Variants in RFFL observed in about 807,000 individuals in gnomAD.
RFFL encodes the protein ring finger and FYVE like domain containing E3 ubiquitin protein ligase.
RFFL carries 16 observed loss-of-function variants against 40.4 expected under a neutral mutation model. The ratio of observed to expected loss-of-function variants is 0.40; its 90% CI spans 0.27 to 0.60. The LOEUF is 0.60. Among genes scored for constraint, RFFL ranks in the 20% least tolerant of loss-of-function variants. RFFL has a pLI of 0.47. For missense variants in RFFL, 367 were observed against 451.7 expected, an observed-to-expected ratio of 0.81 and a Z score of 1.70; for synonymous variants, 154 against 167.9, an observed-to-expected ratio of 0.92 and a Z score of 0.64.
chr17:35,074,391 T>C (rs1422518456), intron 1 of RFFL: 3 of 152,248 alleles, frequency 2.0e-5, no homozygotes, highest in Non-Finnish European at 4.4e-5. Context: ...TAGCAGGCAC[T>C]GCTTGCTGAG....
At chr17:35,061,967 AC>A (rs2091293842) in intron 1 of RFFL, among the ~76,000 whole-genome samples, 1 of 150,364 alleles carries the variant, frequency 6.7e-6, no homozygotes, top group South Asian at 2.2e-4. Context: ...GGCGTGAGCC[AC>A]CGTGCCCAGC....
intron 1 of RFFL, among the ~76,000 whole-genome samples, chr17:35,081,709 A>C (rs1235743051): frequency 6.6e-6 from 1 of 152,196 alleles, no homozygotes; most frequent in Non-Finnish European, 1.5e-5. Flanking sequence ...TTCAAATGAC[A>C]GTAAAATCAC....
intron 1 of RFFL, among the ~76,000 whole-genome samples, chr17:35,084,096 G>A (rs184387698): frequency 4.6e-5 from 7 of 152,094 alleles, no homozygotes; most frequent in African/African-American, 1.7e-4. Flanking sequence ...AAAATTAGCC[G>A]GGCGCAGTGG....
chr17:35,072,566 T>TACACAC (rs138372161), intron 1 of RFFL, among the ~76,000 whole-genome samples: 81 of 147,362 alleles, frequency 5.5e-4, no homozygotes, highest in East Asian at 1.6e-3. Context: ...AGCAGAAAAC[T>TACACAC]ACACACACAC....
intron 1 of RFFL, among the ~76,000 whole-genome samples, chr17:35,029,590 A>G (rs866366301): frequency 6.2e-4 from 91 of 146,128 alleles, no homozygotes; most frequent in Middle Eastern, 7.1e-3. Flanking sequence ...GCATGATCTC[A>G]GCTCACTGCA....
Position 35,017,537 on chromosome 17 carries a change from C to A in RFFL, c.661G>T (p.Glu221Ter). The stretch of plus-strand genomic sequence containing the variant: ...AGAGGCCCCACCTGGGTCTCATCCT[C>A]AGCAGGTACTCTGGCCACGCTCTCC... The part of the protein sequence containing the change: ...YLESVARVPA[E>*]DETQSIDSED... Residue 221 changes from glutamate (E) to a stop codon, truncating the protein, a stop_gained, in exon 4 of 7, where the codon GAG (glutamate) becomes TAG (stop). Coordinates refer to ENST00000394597, the MANE Select transcript of RFFL (RefSeq NM_001017368.2). LOFTEE classifies it high-confidence loss of function. 1 of 1,610,120 alleles carries A rather than the reference C, an allele frequency of 6.2e-7. No homozygotes were observed. The highest frequency in any genetic ancestry group is 1.1e-5 in the South Asian group (1 of 90,188).
At chr17:35,027,365 T>C (rs539168220) in intron 1 of RFFL, among the ~76,000 whole-genome samples, 6 of 152,316 alleles carry the variant, frequency 3.9e-5, no homozygotes, top group East Asian at 3.9e-4. Context: ...CCTAGCACTG[T>C]TGTCCATGTA....
chr17:35,043,917 A>G (rs1020263108), intron 1 of RFFL, among the ~76,000 whole-genome samples: 2 of 152,208 alleles, frequency 1.3e-5, no homozygotes, highest in East Asian at 1.9e-4. Flanking sequence ...TATACATCCC[A>G]TAAGTCATCT....
chr17:35,021,824 GAAC>G, intron 2 of RFFL, 43 bp from the exon 3 acceptor site: 1 of 1,601,182 alleles, frequency 6.2e-7, no homozygotes, highest in Non-Finnish European at 8.6e-7. Context: ...CAGATTGAGA[GAAC>G]AAGACAGAGA....
At chr17:35,050,661 C>CAA (rs1433147326) in intron 1 of RFFL, among the ~76,000 whole-genome samples, 8 of 73,840 alleles carry the variant, frequency 1.1e-4, no homozygotes, top group East Asian at 3.3e-4. Context: ...CCAGGCTCTA[C>CAA]AAAAAAAAAA....
At chr17:35,038,806 A>G (rs1339733689) in intron 1 of RFFL, among the ~76,000 whole-genome samples, 1 of 152,240 alleles carries the variant, frequency 6.6e-6, no homozygotes, top group Non-Finnish European at 1.5e-5. Context: ...CTTACTCTGA[A>G]TGCTGATTAT....
chr17:35,078,963 G>C (rs980984104), intron 1 of RFFL, among the ~76,000 whole-genome samples: 3 of 149,324 alleles, frequency 2.0e-5, no homozygotes, highest in African/African-American at 4.9e-5. Flanking sequence ...CTGGGTGACA[G>C]AGTGAGACAC....
intron 1 of RFFL, chr17:35,069,481 A>G (rs932028372): frequency 1.1e-5 from 4 of 369,482 alleles, no homozygotes; most frequent in African/African-American, 8.5e-5. Context: ...AATCAAAGTA[A>G]TGGAAGAGGG....
chr17:35,072,930 C>A (rs2091358324), intron 1 of RFFL, among the ~76,000 whole-genome samples: 1 of 151,706 alleles, frequency 6.6e-6, no homozygotes, highest in African/African-American at 2.4e-5. Flanking sequence ...GTAATCTCAG[C>A]TACTCAAGAG....
chr17:35,039,927 G>A (rs1235452199), intron 1 of RFFL, among the ~76,000 whole-genome samples: 4 of 151,744 alleles, frequency 2.6e-5, no homozygotes, highest in South Asian at 4.2e-4. Context: ...TGCCCACCTC[G>A]GCCTCCCAAA....
chr17:35,038,203 C>T (rs2091136996), intron 1 of RFFL, among the ~76,000 whole-genome samples: 3 of 149,672 alleles, frequency 2.0e-5, no homozygotes, highest in Admixed American at 6.7e-5. Flanking sequence ...GCAGAAGAAT[C>T]GCTTGAACCT....
intron 1 of RFFL, among the ~76,000 whole-genome samples, chr17:35,062,566 T>C (rs1266851246): frequency 1.3e-5 from 2 of 152,148 alleles, no homozygotes; most frequent in African/African-American, 4.8e-5. Context: ...TTGGAGTAAA[T>C]ACCAGGTTCT....
At chr17:35,037,514 A>C (rs1457605011) in intron 1 of RFFL, among the ~76,000 whole-genome samples, 2 of 152,216 alleles carry the variant, frequency 1.3e-5, no homozygotes, top group African/African-American at 4.8e-5. Flanking sequence ...GTAAAGAAGA[A>C]AGTAGCCACT....
chr17:35,039,426 G>C (rs2091148227), intron 1 of RFFL, among the ~76,000 whole-genome samples: 1 of 151,382 alleles, frequency 6.6e-6, no homozygotes, highest in Non-Finnish European at 1.5e-5. Flanking sequence ...CACCATGTTG[G>C]GCAGGATGGT....
Sources: allele counts gnomAD v4.1 joint callset (sites outside exome capture counted in the v4.1 genomes callset), GRCh38; gene constraint gnomAD v4.1.1; transcripts MANE v1.5; gene names NCBI Gene and HGNC (gene_info 2026-07-23, HGNC 2026-07-21).